Variants in C2orf42 observed in about 807,000 individuals in gnomAD.
C2orf42 encodes chromosome 2 open reading frame 42, also known as uncharacterized protein C2orf42.
A neutral mutation model predicts 58.9 loss-of-function variants in C2orf42; 44 were observed. The ratio of observed to expected loss-of-function variants is 0.75; its 90% CI spans 0.59 to 0.96. The LOEUF (loss-of-function observed/expected upper bound fraction) is 0.96. Ranked by LOEUF, C2orf42 falls within the 40% of genes least tolerant of loss-of-function variation. C2orf42 has a pLI of 0.00. For synonymous variants in C2orf42, 239 were observed against 265.4 expected (o/e 0.90, Z 0.97); for missense variants, 630 against 699.2 (o/e 0.90, Z 1.12).
chr2:70,164,527 G>T (rs1184722842), intron 8 of C2orf42, among the ~76,000 whole-genome samples: 1 of 151,998 alleles, frequency 6.6e-6, no homozygotes, highest in East Asian at 1.9e-4. Context: ...AGCTAGCCGG[G>T]GGGCTGAGGC....
intron 5 of C2orf42, 147 bp from the exon 6 acceptor site, chr2:70,169,808 G>A: frequency 1.8e-6 from 1 of 553,220 alleles, no homozygotes; most frequent in Non-Finnish European, 3.3e-6. Context: ...TGCCCAGGCT[G>A]GAGTGCAGTG....
intron 1 of C2orf42, chr2:70,190,295 C>T (rs1274215280): frequency 1.4e-4 from 21 of 152,180 alleles, no homozygotes; most frequent in Admixed American, 1.3e-3. Flanking sequence ...GGGTTTCCAT[C>T]CAACCACTAC....
Position 70,165,639 on chromosome 2 carries a change from T to TA in C2orf42, c.1145-5_1145-4insT. The TA allele has an allele frequency of 6.5e-7, 1 of 1,534,538 alleles. No individual in the cohort carries two copies. Among genetic ancestry groups the TA allele is most frequent in the Non-Finnish European group, 9.0e-7 (1 of 1,108,462 alleles). ...AACACCAATGGTTCTGGTTTGCCTA[T>TA]GGGAAACAAGAAGAAACAACTCATT... On this transcript the variant is annotated splice_region_variant and splice_polypyrimidine_tract_variant and intron_variant, in intron 6 of 9. Transcript: ENST00000264434.
chr2:70,176,994 G>A (rs1035795845), intron 4 of C2orf42, among the ~76,000 whole-genome samples: 1 of 152,016 alleles, frequency 6.6e-6, no homozygotes, highest in Non-Finnish European at 1.5e-5. Context: ...AAGTGGGGCC[G>A]GGCATGGTGG....
In C2orf42 at chr2:70,165,090, A is replaced by C; in HGVS notation, c.1353+2T>G. 2.0e-6 allele frequency: 3 copies of C among 1,512,736 alleles called. No homozygotes were observed. Among genetic ancestry groups the C allele is most frequent in the Non-Finnish European group, 2.7e-6 (3 of 1,096,206 alleles). The allele number at this position is 1,512,736 out of a possible 1,614,324, so 93.7% of individuals were successfully genotyped here. A position where few individuals can be genotyped will look rare whatever the true frequency, so the allele number is the denominator to read the frequency against. On this transcript the variant is annotated splice_donor_variant, in intron 8 of 9. Coordinates refer to ENST00000264434, the MANE Select transcript of C2orf42 (RefSeq NM_017880.3). LOFTEE classifies it high-confidence loss of function. Reference sequence around the variant, plus strand: ...CCCACTGTTATAGAAATAAACTCTCACCTCTGGGGTATCTAAGATTTGTTT... The same window carrying C: ...CCCACTGTTATAGAAATAAACTCTCCCCTCTGGGGTATCTAAGATTTGTTT...
rs751794327 is a variant in C2orf42, at chr2:70,181,482, G to A, written c.504C>T (p.Thr168=). 3.1e-6 allele frequency: 5 copies of A among 1,613,678 alleles called. No homozygotes were observed. The African/African-American group carries it at 5.3e-5, about 17-fold the overall frequency. ...TGGGTTCCGTGGCCAACTGCCAGAT[G>A]GTCTGTTTGGTTTCCGGGGAGGCCT... is the stretch of plus-strand genomic sequence containing the variant. ...AMQASPETKQ[T]IWQLATEPTG... The change falls in exon 3 of 10, where the codon ACC becomes ACT. Residue 168 remains threonine (T), a synonymous_variant. Transcript: ENST00000264434.
At chr2:70,189,577 C>T (rs1675191380) in intron 1 of C2orf42, among the ~76,000 whole-genome samples, 1 of 150,398 alleles carries the variant, frequency 6.6e-6, no homozygotes, top group African/African-American at 2.5e-5. Context: ...ATTAGCTGGG[C>T]GAGGTGGCGG....
chr2:70,156,029 C>G lies in C2orf42; in HGVS notation c.1516+4596G>C, dbSNP rs150310821. 7.0e-3 allele frequency among the ~76,000 whole-genome samples: 1,061 copies of G among 151,986 alleles called. 12 individuals are homozygous for G. Among genetic ancestry groups the G allele is most frequent in the African/African-American group, 0.025 (1,017 of 41,486 alleles). ...AATTAGCTGGGCATGGTGGCACATG[C>G]CTGTAATCCCAGCTGTTTGGGAGGC... On this transcript the variant is annotated intron_variant, in intron 9 of 9. Transcript: ENST00000264434.
At chr2:70,161,674 C>A (rs1349898753) in intron 8 of C2orf42, among the ~76,000 whole-genome samples, 1 of 151,910 alleles carries the variant, frequency 6.6e-6, no homozygotes, top group Non-Finnish European at 1.5e-5. Flanking sequence ...AACCTCATCT[C>A]TACTAAAAAT....
intron 2 of C2orf42, 63 bp from the exon 3 acceptor site, chr2:70,182,060 T>C: frequency 2.7e-6 from 2 of 752,476 alleles, no homozygotes; most frequent in South Asian, 3.6e-5. Context: ...TTAAAATCAC[T>C]TATGATATTT....
At chr2:70,154,082 AAC>A (rs1491111214) in intron 9 of C2orf42, among the ~76,000 whole-genome samples, 3 of 151,468 alleles carry the variant, frequency 2.0e-5, no homozygotes, top group Non-Finnish European at 2.9e-5. Flanking sequence ...CAAAAAAAAA[AAC>A]ACAGAAATTT....
chr2:70,181,777 G>A lies in C2orf42; in HGVS notation c.209C>T (p.Ser70Phe). ...SVEAVKIITG[S>F]DLQVYSVRQR... The stretch of plus-strand genomic sequence containing the variant: ...CCGCACTGAGTAGACCTGAAGATCA[G>A]AGCCTGTAATGATTTTGACAGCTTC... Residue 70 changes from serine to phenylalanine, a missense_variant, in exon 3 of 10, where the codon TCT becomes TTT. Coordinates refer to ENST00000264434, the MANE Select transcript of C2orf42 (RefSeq NM_017880.3). The A allele has an allele frequency of 6.2e-7, 1 of 1,614,174 alleles. No homozygotes were observed. Among genetic ancestry groups the A allele is most frequent in the Non-Finnish European group, 8.5e-7 (1 of 1,180,008 alleles).
At position 70,166,837 on chromosome 2, in the gene C2orf42, C is replaced by T. The variant is rs189480566; in HGVS notation, c.1145-1202G>A. ...TAAGATGGGATGAGAACAATGAGGC[C>T]GAGGTGGCTGCCTCCACTTGATTCC... On this transcript the variant is annotated intron_variant, in intron 6 of 9. Coordinates refer to ENST00000264434, the MANE Select transcript of C2orf42 (RefSeq NM_017880.3). Among the ~76,000 whole-genome samples the T allele has an allele frequency of 2.1e-3, 319 of 152,224 alleles. 2 individuals are homozygous for T. Among genetic ancestry groups the T allele is most frequent in the African/African-American group, 7.3e-3 (302 of 41,546 alleles).
chr2:70,184,036 C>A (rs946443928), intron 1 of C2orf42, among the ~76,000 whole-genome samples: 18 of 152,242 alleles, frequency 1.2e-4, no homozygotes, highest in Middle Eastern at 6.8e-3. Context: ...GTCTCGAACT[C>A]CTGGCCTCAA....
chr2:70,168,412 C>T (rs1410849336), intron 6 of C2orf42, among the ~76,000 whole-genome samples: 3 of 150,404 alleles, frequency 2.0e-5, no homozygotes, highest in East Asian at 4.1e-4. Flanking sequence ...CTCAGCCTCC[C>T]GAGTAGCTGG....
chr2:70,187,709 G>C (rs1449366547), intron 1 of C2orf42, among the ~76,000 whole-genome samples: 3 of 151,100 alleles, frequency 2.0e-5, no homozygotes, highest in Non-Finnish European at 4.4e-5. Flanking sequence ...TTTTTAAATT[G>C]AGACGGAGTC....
intron 9 of C2orf42, among the ~76,000 whole-genome samples, chr2:70,158,215 A>G (rs963841023): frequency 3.3e-5 from 5 of 151,566 alleles, no homozygotes; most frequent in Non-Finnish European, 4.4e-5. Context: ...AAAAAAAAAG[A>G]AAGAAATTAA....
chr2:70,186,604 T>G (rs1674952266), intron 1 of C2orf42, among the ~76,000 whole-genome samples: 1 of 152,176 alleles, frequency 6.6e-6, no homozygotes, highest in Non-Finnish European at 1.5e-5. Context: ...CATTACTGGG[T>G]ATATACCCAA....
intron 3 of C2orf42, among the ~76,000 whole-genome samples, chr2:70,180,938 C>A (rs949798226): frequency 3.5e-4 from 46 of 132,448 alleles, no homozygotes; most frequent in African/African-American, 1.1e-3. Flanking sequence ...GAGGTCAAGG[C>A]TGCTGTGAGC....
Sources: allele counts gnomAD v4.1 joint callset (sites outside exome capture counted in the v4.1 genomes callset), GRCh38; gene constraint gnomAD v4.1.1; transcripts MANE v1.5; gene names NCBI Gene and HGNC (gene_info 2026-07-23, HGNC 2026-07-21).